The following VPS13D variants were observed in gnomAD, a reference collection of about 807,000 sequenced individuals.
VPS13D encodes the protein intermembrane lipid transfer protein VPS13D.
VPS13D carries 187 observed loss-of-function variants against 461.9 expected under a neutral mutation model. The observed-to-expected ratio is 0.40, with a 90% CI of 0.36 to 0.46. The LOEUF is 0.46. VPS13D is among the 20% of genes least tolerant of loss of function. VPS13D has a pLI of 0.60. For missense variants in VPS13D, 4,711 were observed against 5,364.9 expected, an observed-to-expected ratio of 0.88 and a Z score of 3.81; for synonymous variants, 1,951 against 1,986.3, an observed-to-expected ratio of 0.98 and a Z score of 0.47.
chr1:12,330,730 C>T (rs1643308792), intron 37 of VPS13D, among the ~76,000 whole-genome samples: 2 of 152,120 alleles, frequency 1.3e-5, no homozygotes, highest in East Asian at 3.9e-4. Flanking sequence ...CCATGCCCAG[C>T]TAATTTTTTG....
intron 54 of VPS13D, among the ~76,000 whole-genome samples, chr1:12,372,188 G>C (rs1301408427): frequency 2.0e-5 from 3 of 151,980 alleles, no homozygotes; most frequent in Admixed American, 1.3e-4. Context: ...CTCATAGCTG[G>C]GACTACAGGT....
intron 63 of VPS13D, among the ~76,000 whole-genome samples, chr1:12,404,871 C>T (rs1644630132): frequency 6.6e-6 from 1 of 152,210 alleles, no homozygotes. Context: ...CAGCCCCCTG[C>T]AGCTTGGACC....
At chr1:12,349,118 G>T in intron 45 of VPS13D, 46 bp from the exon 46 acceptor site, 1 of 1,611,872 alleles carries the variant, frequency 6.2e-7, no homozygotes, top group Non-Finnish European at 8.5e-7. Flanking sequence ...AATCTTTGGG[G>T]TGGAGGACCA....
intron 67 of VPS13D, among the ~76,000 whole-genome samples, chr1:12,480,104 C>T (rs933578996): frequency 6.6e-6 from 1 of 152,186 alleles, no homozygotes; most frequent in African/African-American, 2.4e-5. Context: ...TGTCCCTGGT[C>T]CATCCCTGTG....
At chr1:12,490,357 T>C (rs947468925) in intron 67 of VPS13D, among the ~76,000 whole-genome samples, 4 of 152,242 alleles carry the variant, frequency 2.6e-5, no homozygotes, top group African/African-American at 7.2e-5. Context: ...GAGTGGGTTC[T>C]AGAAGGTGTA....
At chr1:12,344,443 T>C (rs897616152) in intron 42 of VPS13D, among the ~76,000 whole-genome samples, 1 of 152,110 alleles carries the variant, frequency 6.6e-6, no homozygotes, top group Non-Finnish European at 1.5e-5. Flanking sequence ...TGGGCACACA[T>C]GTGCTTGGAA....
chr1:12,269,232 C>T (rs576474443), intron 16 of VPS13D, among the ~76,000 whole-genome samples: 5 of 152,164 alleles, frequency 3.3e-5, no homozygotes, highest in Admixed American at 6.5e-5. Context: ...ACCTTTGAAT[C>T]GGTACCTATC....
At chr1:12,448,141 G>A (rs1645217602) in intron 65 of VPS13D, among the ~76,000 whole-genome samples, 1 of 152,192 alleles carries the variant, frequency 6.6e-6, no homozygotes, top group Non-Finnish European at 1.5e-5. Context: ...TGATTCTAAA[G>A]AGAGTGTGTC....
At position 12,256,466 on chromosome 1, in the gene VPS13D, A is replaced by T; in HGVS notation, c.803A>T (p.Asp268Val). 1 of 1,614,140 alleles carries T rather than the reference A, an allele frequency of 6.2e-7. No homozygotes were observed. Among genetic ancestry groups the T allele is most frequent in the Non-Finnish European group, 8.5e-7 (1 of 1,180,002 alleles). ...CGGCACAGTCCCCGTATTGATTGTG[A>T]TATTCAGCTGGAGACCATTCCCTTG... ...RSRHSPRIDCDIQLETIPLKL... is the reference protein window; with the variant it reads ...RSRHSPRIDCVIQLETIPLKL... The change falls in exon 8 of 70, where the codon GAT (aspartate) becomes GTT (valine). Residue 268 changes from aspartate to valine, a missense_variant. This residue lies in a region of VPS13D where 4,411 missense variants were observed against 4,937.8 expected (regional missense o/e 0.89). Transcript: ENST00000620676.
intron 65 of VPS13D, among the ~76,000 whole-genome samples, chr1:12,437,599 A>ACCCTC (rs1645077990): frequency 6.6e-6 from 1 of 152,060 alleles, no homozygotes; most frequent in Non-Finnish European, 1.5e-5. Flanking sequence ...TTCTAACCCA[A>ACCCTC]CCCTCCCCTC....
At chr1:12,367,982 G>A (rs546587833) in intron 52 of VPS13D, among the ~76,000 whole-genome samples, 1 of 152,022 alleles carries the variant, frequency 6.6e-6, no homozygotes, top group South Asian at 2.1e-4. Flanking sequence ...CGTTGCCCAG[G>A]CTGGTCTCGA....
chr1:12,492,677 C>T lies in VPS13D; in HGVS notation c.12663-4823C>T, dbSNP rs977650784. 7.9e-5 allele frequency among the ~76,000 whole-genome samples: 12 copies of T among 152,266 alleles called. No homozygotes were observed. In the East Asian group the frequency reaches 9.6e-4, roughly 12 times the overall value. ...GATTCTCAAAGTTCACCAGGAAACA[C>T]GTACAGGAATGTTCATAATAGCATC... On this transcript the variant is annotated intron_variant, in intron 67 of 69. Transcript: ENST00000620676.
chr1:12,232,684 TTA>T (rs1640018921), intron 1 of VPS13D, among the ~76,000 whole-genome samples: 1 of 143,762 alleles, frequency 7.0e-6, no homozygotes. Context: ...TAAACACCAG[TTA>T]TTATAACAGG....
chr1:12,342,881 C>T lies in VPS13D; in HGVS notation c.8733-18C>T. On this transcript the variant is annotated intron_variant, in intron 41 of 69. Transcript: ENST00000620676. The stretch of plus-strand genomic sequence containing the variant: ...GGAAGAAACAGGGACAGGCTGATGT[C>T]ATCTGATTTGGTTCCAGAGCTGCAC... The T allele has an allele frequency of 6.2e-7, 1 of 1,603,460 alleles. No homozygotes were observed. The highest frequency in any genetic ancestry group is 8.5e-7 in the Non-Finnish European group (1 of 1,172,202).
intron 52 of VPS13D, among the ~76,000 whole-genome samples, chr1:12,363,730 G>A (rs1449375907): frequency 4.0e-5 from 6 of 151,820 alleles, no homozygotes; most frequent in Non-Finnish European, 7.4e-5. Flanking sequence ...CGAGGCAGGC[G>A]GATCACGAGG....
intron 65 of VPS13D, among the ~76,000 whole-genome samples, chr1:12,420,433 G>A (rs1305340723): frequency 2.0e-5 from 3 of 152,160 alleles, no homozygotes; most frequent in Non-Finnish European, 4.4e-5. Flanking sequence ...GGGTCAGAGG[G>A]GACAGAACTG....
intron 27 of VPS13D, among the ~76,000 whole-genome samples, chr1:12,310,117 C>G (rs1375121281): frequency 4.6e-5 from 7 of 152,064 alleles, no homozygotes; most frequent in African/African-American, 1.7e-4. Context: ...AAAAGCTTTC[C>G]TATTCAGCTT....
At chr1:12,465,911 C>T (rs762424499) in intron 67 of VPS13D, among the ~76,000 whole-genome samples, 4 of 151,938 alleles carry the variant, frequency 2.6e-5, no homozygotes, top group African/African-American at 7.3e-5. Flanking sequence ...CCGAGGTGGG[C>T]GGATCACGAG....
intron 6 of VPS13D, among the ~76,000 whole-genome samples, chr1:12,249,965 C>T (rs556345563): frequency 9.8e-5 from 15 of 152,286 alleles, no homozygotes; most frequent in South Asian, 4.1e-4. Flanking sequence ...ACTTCAGATG[C>T]CAGTCACAAG....
Sources: allele counts gnomAD v4.1 joint callset (sites outside exome capture counted in the v4.1 genomes callset), GRCh38; gene constraint gnomAD v4.1.1; regional missense constraint gnomAD v4.1.1; transcripts MANE v1.5; gene names NCBI Gene and HGNC (gene_info 2026-07-23, HGNC 2026-07-21).